Variants in MYOM3 observed in about 807,000 individuals in gnomAD.
MYOM3 encodes the protein myomesin 3.
MYOM3 carries 155 observed loss-of-function variants against 191.7 expected under a neutral mutation model. That is an observed-to-expected ratio of 0.81 (90% CI 0.71 to 0.92). The LOEUF (loss-of-function observed/expected upper bound fraction) is 0.92. Among genes scored for constraint, MYOM3 ranks in the 40% least tolerant of loss-of-function variants. The probability of loss-of-function intolerance (pLI) is 0.00; values close to 1 mark genes in which losing one functional copy is unlikely to be tolerated. For synonymous variants in MYOM3, 757 were observed against 762.9 expected (o/e 0.99, Z 0.13); for missense variants, 1,889 against 1,890.6 (o/e 1.00, Z 0.02).
intron 13 of MYOM3, 113 bp from the exon 14 acceptor site, chr1:24,089,778 G>T (rs1643792856): frequency 7.9e-6 from 10 of 1,266,540 alleles, no homozygotes; most frequent in Non-Finnish European, 1.1e-5. Context: ...CCCAGAGAGG[G>T]GCAGTAGTTG....
In MYOM3 at chr1:24,082,713, A is replaced by C. The variant is rs769402381; in HGVS notation, c.1972T>G (p.Phe658Val). ...CCCGTCCTCAGCCCGGGAACTGTAA[A>C]CCTGGGAGAGAAATGTGCAGCTTTC... ...VNNKPIQGTR[F>V]TVPGLRTGKE... Residue 658 changes from phenylalanine to valine, a missense_variant and splice_region_variant, in exon 17 of 37, where the codon TTT (phenylalanine) becomes GTT (valine). Coordinates refer to ENST00000374434, the MANE Select transcript of MYOM3 (RefSeq NM_152372.4). 6 of 1,597,982 alleles carry C rather than the reference A, an allele frequency of 3.8e-6. No individual in the cohort carries two copies. The African/African-American group carries it at 8.1e-5, about 22-fold the overall frequency.
At chr1:24,077,065 AC>A (rs66521253) in intron 20 of MYOM3, among the ~76,000 whole-genome samples, 88,797 of 151,494 alleles carry the variant, frequency 0.59, 26,144 homozygotes, top group African/African-American at 0.64. Flanking sequence ...CAGGTGATCC[AC>A]CCCCCCTTGG....
rs766786327 is a variant in MYOM3 at position 24,093,110 on chromosome 1, T to G, written c.929-2A>C. The G allele has an allele frequency of 1.5e-5, 24 of 1,603,246 alleles. No individual in the cohort carries two copies. The East Asian group carries it at 4.9e-4, about 33-fold the overall frequency. On this transcript the variant is annotated splice_acceptor_variant, in intron 9 of 36. Transcript: ENST00000374434. LOFTEE classifies it high-confidence loss of function. ...GTCTCGAGGACCTCAGTAGGCTCCC[T>G]GTGGAGGGGAAGTGGGGGGCCATTG...
intron 19 of MYOM3, among the ~76,000 whole-genome samples, chr1:24,080,395 C>G (rs4649176): frequency 1 from 151,792 of 152,328 alleles, 75,631 homozygotes; most frequent in Middle Eastern, 1. Flanking sequence ...CCTGAAACCA[C>G]GGTTAACTTT....
Position 24,057,564 on chromosome 1 carries a change from C to T in MYOM3, c.4114G>A (p.Asp1372Asn). 1 of 1,614,090 alleles carries T rather than the reference C, an allele frequency of 6.2e-7. No individual in the cohort carries two copies. Among genetic ancestry groups the T allele is most frequent in the Non-Finnish European group, 8.5e-7 (1 of 1,179,968 alleles). The change falls in exon 37 of 37, where the codon GAC becomes AAC. Residue 1372 changes from aspartate (D) to asparagine (N), a missense_variant. By Grantham distance (23) the Asp-to-Asn change is conservative. Coordinates refer to ENST00000374434, the MANE Select transcript of MYOM3 (RefSeq NM_152372.4). The part of the protein sequence containing the change: ...PTPEISWLKN[D>N]QPVTFLDRYR... ...CGGTCAAGGAAGGTGACAGGCTGGT[C>T]ATTCTTCAGCCAAGAGATTTCAGGG...
chr1:24,108,294 C>T, intron 2 of MYOM3, 182 bp downstream of exon 2: 1 of 758,618 alleles, frequency 1.3e-6, no homozygotes, highest in East Asian at 2.9e-5. Context: ...GTGCCTCTTC[C>T]ATCACATGGG....
At position 24,072,018 on chromosome 1, in the gene MYOM3, G is replaced by A; in HGVS notation, c.2969-5C>T. ...GCTTCTTCAGCTTCTCCAGCTCTGG[G>A]ATAGGGGGAAGTGAGGAAGAAACCA... On this transcript the variant is annotated splice_region_variant and splice_polypyrimidine_tract_variant and intron_variant, in intron 23 of 36. Transcript: ENST00000374434. 1 of 1,614,068 alleles carries A rather than the reference G, an allele frequency of 6.2e-7. No individual in the cohort carries two copies. Among genetic ancestry groups the A allele is most frequent in the Non-Finnish European group, 8.5e-7 (1 of 1,179,932 alleles).
chr1:24,066,508 A>G (rs959052726), intron 28 of MYOM3: 4 of 488,812 alleles, frequency 8.2e-6, no homozygotes, highest in Non-Finnish European at 1.5e-5. Flanking sequence ...CAGGCTGAAG[A>G]GTGCTAAGAA....
At chr1:24,093,252 T>TGGC (rs887743710) in intron 9 of MYOM3, 144 bp from the exon 10 acceptor site, 1 of 628,742 alleles carries the variant, frequency 1.6e-6, no homozygotes. Context: ...GTGGGGGTGG[T>TGGC]GGCCTCCAGG....
In MYOM3 at chr1:24,087,983, C is replaced by T. The variant is rs373514360; in HGVS notation, c.1615-1156G>A. Reference sequence around the variant, plus strand: ...GTTCAGAGAGTTTCGGTAACTTGGCCAAAAGTCCTGCATCTAATAACTGGT... The same window carrying T: ...GTTCAGAGAGTTTCGGTAACTTGGCTAAAAGTCCTGCATCTAATAACTGGT... On this transcript the variant is annotated intron_variant, in intron 14 of 36. Transcript: ENST00000374434. The surrounding 1 kb of genome is among the most constrained non-coding windows in gnomAD (Gnocchi z 4.5). Among the ~76,000 whole-genome samples, 14 of 152,284 alleles carry T rather than the reference C, an allele frequency of 9.2e-5. No individual in the cohort carries two copies. Among genetic ancestry groups the T allele is most frequent in the East Asian group, 7.7e-4 (4 of 5,194 alleles).
chr1:24,076,118 TAG>T, intron 21 of MYOM3, 39 bp downstream of exon 21: 1 of 1,504,766 alleles, frequency 6.6e-7, no homozygotes, highest in Non-Finnish European at 9.3e-7. Context: ...CCCAGTGGCG[TAG>T]CCCAGTGGCA....
intron 22 of MYOM3, 132 bp from the exon 23 acceptor site, chr1:24,074,401 G>A: frequency 1.6e-6 from 1 of 637,230 alleles, no homozygotes; most frequent in Non-Finnish European, 2.8e-6. Context: ...AAGTCAGGAA[G>A]CACAGGCAGC....
chr1:24,105,030 C>T lies in MYOM3; in HGVS notation c.560+890G>A, dbSNP rs148787928. On this transcript the variant is annotated intron_variant, in intron 5 of 36. Coordinates refer to ENST00000374434, the MANE Select transcript of MYOM3 (RefSeq NM_152372.4). ...TCTGTGGTGAGACTGAGACCTGGGCCGCGGCCATGCCTACTCCAATGTGTG... is the reference window on the plus strand; with the variant it reads ...TCTGTGGTGAGACTGAGACCTGGGCTGCGGCCATGCCTACTCCAATGTGTG... 1.3e-3 allele frequency among the ~76,000 whole-genome samples: 203 copies of T among 152,308 alleles called. 1 individual carries two copies. The highest frequency in any genetic ancestry group is 4.5e-3 in the African/African-American group (189 of 41,562).
chr1:24,082,889 C>G, intron 16 of MYOM3, 175 bp from the exon 17 acceptor site: 1 of 670,802 alleles, frequency 1.5e-6, no homozygotes, highest in Admixed American at 3.9e-5. Context: ...GAGATGACAC[C>G]GTGGAGGGGG....
At chr1:24,067,141 G>T in intron 27 of MYOM3, 53 bp from the exon 28 acceptor site, 1 of 1,531,682 alleles carries the variant, frequency 6.5e-7, no homozygotes, top group South Asian at 1.2e-5. Context: ...CTCAGCCAGG[G>T]TGCCACCTGT....
chr1:24,108,600 G>A lies in MYOM3; in HGVS notation c.37C>T (p.Pro13Ser). The change falls in exon 2 of 37, where the codon CCC becomes TCC. Residue 13 changes from proline (P) to serine (S), a missense_variant. By Grantham distance (74) the Pro-to-Ser change is moderately conservative. Transcript: ENST00000374434. ...ACCTCCATGGCCTGGGGGGGCCGGG[G>A]GTCCCCCGCACCTCCCAAGCTGTGC... is the stretch of plus-strand genomic sequence containing the variant. ...LPHSLGGAGD[P>S]RPPQAMEVHR... is the part of the protein sequence containing the mutation. 6.4e-6 allele frequency: 10 copies of A among 1,566,604 alleles called. No homozygotes were observed. Among genetic ancestry groups the A allele is most frequent in the Non-Finnish European group, 8.6e-6 (10 of 1,157,898 alleles).
chr1:24,075,936 G>A (rs141064426), intron 21 of MYOM3, among the ~76,000 whole-genome samples: 17 of 152,328 alleles, frequency 1.1e-4, no homozygotes, highest in Admixed American at 4.6e-4. Flanking sequence ...AGAGGTGAGT[G>A]ATTCTGTCAT....
rs1644016628 is a variant in MYOM3, at chr1:24,108,727, C to G, written c.-18-73G>C. ...CCCTCCCATGCAGTCTTCCCAACAT[C>G]TCTAGGAGGCTGGCAGGATGGGGGG... On this transcript the variant is annotated intron_variant, in intron 1 of 36. Coordinates refer to ENST00000374434, the MANE Select transcript of MYOM3 (RefSeq NM_152372.4). The G allele has an allele frequency of 4.3e-6, 5 of 1,174,782 alleles. 1 individual carries two copies. In the South Asian group the frequency reaches 7.9e-5, roughly 19 times the overall value. 72.8% of individuals were successfully genotyped at this position (1,174,782 alleles called of 1,614,324 possible). A position where few individuals can be genotyped will look rare whatever the true frequency, so the allele number is the denominator to read the frequency against.
rs1420488231 is a variant in MYOM3 at position 24,111,624 on chromosome 1, G to A, written c.-19+407C>T. Among the ~76,000 whole-genome samples, 8 of 152,162 alleles carry A rather than the reference G, an allele frequency of 5.3e-5. No homozygotes were observed. Among genetic ancestry groups the A allele is most frequent in the Admixed American group, 3.9e-4 (6 of 15,276 alleles). On this transcript the variant is annotated intron_variant, in intron 1 of 36. Transcript: ENST00000374434. This position sits in a 1 kb window ranked among gnomAD's most constrained non-coding sequence, Gnocchi z 4.7. Reference sequence around the variant, plus strand: ...CTCTCTTTCCCTGCCTGTGGGGTTGGCCAAGCCGGGCTCAGCCAGCTCCGC... The same window carrying A: ...CTCTCTTTCCCTGCCTGTGGGGTTGACCAAGCCGGGCTCAGCCAGCTCCGC...
Sources: gnomAD v4.1 joint callset for allele counts (sites outside exome capture counted in the v4.1 genomes callset) on GRCh38, gnomAD v4.1.1 for gene constraint, Gnocchi (gnomAD v3.1) non-coding constraint, MANE v1.5 for transcripts, NCBI Gene and HGNC (gene_info 2026-07-23, HGNC 2026-07-21) for gene names.